Variants in LIMK1 observed in about 807,000 individuals in gnomAD.
LIMK1 encodes LIM motif-containing protein kinase.
In LIMK1, 21 loss-of-function variants were observed where a neutral mutation model predicts 77.6. The observed-to-expected ratio is 0.27, with a 90% CI of 0.19 to 0.39. The LOEUF is 0.39. Ranked by LOEUF, LIMK1 falls within the 10% of genes least tolerant of loss-of-function variation. The probability of loss-of-function intolerance (pLI) is 1.00; values close to 1 mark genes in which losing one functional copy is unlikely to be tolerated. For missense variants in LIMK1, 696 were observed against 901.6 expected (o/e 0.77, Z 2.92); for synonymous variants, 358 against 370.0 (o/e 0.97, Z 0.37).
chr7:74,099,791 C>G (rs1358601425), intron 5 of LIMK1, among the ~76,000 whole-genome samples: 1 of 152,052 alleles, frequency 6.6e-6, no homozygotes, highest in East Asian at 1.9e-4. Context: ...TAGTCCATGT[C>G]TGATCCAACA....
chr7:74,120,498 C>T, intron 13 of LIMK1, 85 bp from the exon 14 acceptor site: 1 of 1,464,426 alleles, frequency 6.8e-7, no homozygotes, highest in East Asian at 2.3e-5. Context: ...GCCGGGGCAT[C>T]CTCCCAGCTG....
At chr7:74,103,439 A>G (rs1799507496) in intron 5 of LIMK1, among the ~76,000 whole-genome samples, 1 of 152,064 alleles carries the variant, frequency 6.6e-6, no homozygotes, top group Non-Finnish European at 1.5e-5. Flanking sequence ...CAGGCTCTGC[A>G]GGTTTGGCCT....
chr7:74,101,793 ATG>A (rs1250886012), intron 5 of LIMK1, among the ~76,000 whole-genome samples: 1 of 126,618 alleles, frequency 7.9e-6, no homozygotes, highest in Non-Finnish European at 1.6e-5. Context: ...GAATTTACAT[ATG>A]TATGTCATAT....
chr7:74,086,279 A>C (rs2115610069), intron 2 of LIMK1, among the ~76,000 whole-genome samples: 1 of 152,246 alleles, frequency 6.6e-6, no homozygotes, highest in South Asian at 2.1e-4. Flanking sequence ...TTCTGACCTC[A>C]AGTGATCTTC....
intron 2 of LIMK1, among the ~76,000 whole-genome samples, chr7:74,090,471 C>T (rs1044995813): frequency 2.0e-5 from 3 of 152,142 alleles, no homozygotes; most frequent in Non-Finnish European, 4.4e-5. Context: ...CAACAGTCCC[C>T]AAAGCTGGTG....
chr7:74,111,843 G>C, intron 11 of LIMK1, 90 bp from the exon 12 acceptor site: 1 of 1,442,464 alleles, frequency 6.9e-7, no homozygotes, highest in East Asian at 2.3e-5. Flanking sequence ...GGCCTGATTG[G>C]GGTGGGAGCA....
chr7:74,092,532 C>T (rs1799257037), intron 2 of LIMK1, among the ~76,000 whole-genome samples: 1 of 152,070 alleles, frequency 6.6e-6, no homozygotes, highest in South Asian at 2.1e-4. Flanking sequence ...TTCTGACCTC[C>T]CAGCCCCTTG....
intron 8 of LIMK1, among the ~76,000 whole-genome samples, 165 bp downstream of exon 8, chr7:74,107,358 C>T (rs1358928021): frequency 6.6e-6 from 1 of 152,086 alleles, no homozygotes; most frequent in Non-Finnish European, 1.5e-5. Flanking sequence ...GAACAGGGGA[C>T]CTCCTACAGG....
chr7:74,114,240 C>T (rs782392742), intron 12 of LIMK1, among the ~76,000 whole-genome samples: 18 of 151,140 alleles, frequency 1.2e-4, no homozygotes, highest in Non-Finnish European at 2.2e-4. Context: ...GACTCCATCT[C>T]AAAAAAAATA....
Position 74,105,886 on chromosome 7 carries a change from G to C in LIMK1, c.620G>C (p.Gly207Ala). 6.2e-7 allele frequency: 1 copy of C among 1,613,642 alleles called. No individual in the cohort carries two copies. The highest frequency in any genetic ancestry group is 8.5e-7 in the Non-Finnish European group (1 of 1,179,878). ...HTVRVQGVDP[G>A]CMSPDVKNSI... ...TGCCTTACCCACAGAGTGGATCCGG[G>C]CTGCATGAGCCCAGATGTGAAGAAT... Residue 207 changes from glycine (G) to alanine (A), a missense_variant, in exon 6 of 16, where the codon GGC becomes GCC. Transcript: ENST00000336180.
chr7:74,090,302 G>A (rs1219600226), intron 2 of LIMK1, among the ~76,000 whole-genome samples: 1 of 151,978 alleles, frequency 6.6e-6, no homozygotes, highest in Non-Finnish European at 1.5e-5. Flanking sequence ...TTGAACCCGA[G>A]AGGCAGTGAT....
At chr7:74,115,525 C>T (rs1554699289) in intron 12 of LIMK1, 4 of 398,716 alleles carry the variant, frequency 1.0e-5, no homozygotes, top group African/African-American at 8.0e-5. Flanking sequence ...GTGGGTCCGC[C>T]ACGACGGTCT....
chr7:74,085,857 G>A lies in LIMK1; in HGVS notation c.152+13G>A, dbSNP rs1170528807. ...CAGACTGCTTCAGGTAGGGTGGGGT[G>A]CCCAGGGCCTGTGTTGCCCTAAACA... On this transcript the variant is annotated intron_variant, in intron 2 of 15. Transcript: ENST00000336180. 3.9e-6 allele frequency: 6 copies of A among 1,542,360 alleles called. No individual in the cohort carries two copies. Among genetic ancestry groups the A allele is most frequent in the Non-Finnish European group, 4.4e-6 (5 of 1,142,124 alleles).
chr7:74,085,423 C>G (rs566496163), intron 1 of LIMK1, among the ~76,000 whole-genome samples: 5 of 152,336 alleles, frequency 3.3e-5, no homozygotes, highest in African/African-American at 1.2e-4. Context: ...TGCCTTATCC[C>G]TAAAGCCACT....
rs144750243 is a variant in LIMK1, at chr7:74,092,970, C to T, written c.153-3652C>T. The T allele has an allele frequency of 5.1e-5, 26 of 506,374 alleles. 1 individual carries two copies. In the Admixed American group the frequency reaches 7.6e-4, roughly 15 times the overall value. The allele number at this position is 506,374 out of a possible 1,614,324, so 31.4% of individuals were successfully genotyped here. A position where few individuals can be genotyped will look rare whatever the true frequency, so the allele number is the denominator to read the frequency against. On this transcript the variant is annotated intron_variant, in intron 2 of 15. Coordinates refer to ENST00000336180, the MANE Select transcript of LIMK1 (RefSeq NM_002314.4). ...TGTGTTCAGGACTGAGGGCCAGGGACGGGCCACAGGCTCCCTGCCTGGGGT... is the reference window on the plus strand; with the variant it reads ...TGTGTTCAGGACTGAGGGCCAGGGATGGGCCACAGGCTCCCTGCCTGGGGT...
At chr7:74,099,887 A>G (rs1206753058) in intron 5 of LIMK1, among the ~76,000 whole-genome samples, 4 of 152,094 alleles carry the variant, frequency 2.6e-5, no homozygotes, top group Admixed American at 6.6e-5. Flanking sequence ...TGGGAGGCCA[A>G]AGTGAGAGGA....
intron 2 of LIMK1, among the ~76,000 whole-genome samples, chr7:74,094,907 C>T (rs2115651926): frequency 6.6e-6 from 1 of 152,280 alleles, no homozygotes; most frequent in South Asian, 2.1e-4. Context: ...TTCCTGGATG[C>T]ACCCCTCACC....
intron 2 of LIMK1, among the ~76,000 whole-genome samples, chr7:74,090,309 T>C (rs1799212761): frequency 6.6e-6 from 1 of 151,474 alleles, no homozygotes; most frequent in African/African-American, 2.4e-5. Flanking sequence ...CGAGAGGCAG[T>C]GATTGCAGTG....
intron 5 of LIMK1, among the ~76,000 whole-genome samples, chr7:74,100,620 T>C (rs916865938): frequency 6.6e-6 from 1 of 152,162 alleles, no homozygotes; most frequent in Non-Finnish European, 1.5e-5. Context: ...TTTCACCATG[T>C]TGGCCAGGCT....
Sources: allele counts gnomAD v4.1 joint callset (sites outside exome capture counted in the v4.1 genomes callset), GRCh38; gene constraint gnomAD v4.1.1; transcripts MANE v1.5; gene names NCBI Gene and HGNC (gene_info 2026-07-23, HGNC 2026-07-21).